C6orf58: variants seen among roughly 807,000 people sequenced by gnomAD.
C6orf58 encodes chromosome 6 open reading frame 58.
In C6orf58, 30 loss-of-function variants were observed where a neutral mutation model predicts 37.0. That is an observed-to-expected ratio of 0.81 (90% CI 0.61 to 1.10). The LOEUF is 1.10. Among genes scored for constraint, C6orf58 ranks in the 50% least tolerant of loss-of-function variants. C6orf58 has a pLI of 0.00. For missense variants in C6orf58, 368 were observed against 387.5 expected (o/e 0.95, Z 0.42); for synonymous variants, 143 against 134.1 (o/e 1.07, Z -0.46).
chr6:127,583,559 G>A (rs564822293), intron 4 of C6orf58, among the ~76,000 whole-genome samples: 1 of 152,262 alleles, frequency 6.6e-6, no homozygotes, highest in South Asian at 2.1e-4. Context: ...TCCGATGGGT[G>A]TACAGTCCCA....
Position 127,582,237 on chromosome 6 carries a change from A to G in C6orf58, c.674+955A>G, listed in dbSNP as rs142279237. 1.9e-4 allele frequency among the ~76,000 whole-genome samples: 29 copies of G among 152,290 alleles called. No homozygotes were observed. The East Asian group carries it at 5.4e-3, about 28-fold the overall frequency. On this transcript the variant is annotated intron_variant, in intron 4 of 5. Coordinates refer to ENST00000329722, the MANE Select transcript of C6orf58 (RefSeq NM_001010905.3). ...CATTTGACATAGAATGAATAGCTGC[A>G]TAAGAGGATTTAAGACTCTGGGGAG...
intron 1 of C6orf58, among the ~76,000 whole-genome samples, chr6:127,578,413 G>A (rs1485218176): frequency 6.6e-6 from 1 of 151,816 alleles, no homozygotes; most frequent in Admixed American, 6.6e-5. Context: ...TCGATTAGAA[G>A]GTAGAGGAGG....
At chr6:127,583,440 G>C (rs1016306466) in intron 4 of C6orf58, among the ~76,000 whole-genome samples, 1 of 148,292 alleles carries the variant, frequency 6.7e-6, no homozygotes, top group Non-Finnish European at 1.5e-5. Flanking sequence ...ACTTCATGTT[G>C]ACAGAGGAGA....
At chr6:127,591,392 C>A in intron 5 of C6orf58, 151 bp from the exon 6 acceptor site, 2 of 632,970 alleles carry the variant, frequency 3.2e-6, no homozygotes, top group Non-Finnish European at 4.7e-6. Flanking sequence ...CTATGAATGA[C>A]ATGCCATGCT....
intron 4 of C6orf58, among the ~76,000 whole-genome samples, chr6:127,588,823 T>TC (rs1320482122): frequency 7.9e-5 from 12 of 152,276 alleles, no homozygotes; most frequent in African/African-American, 2.9e-4. Context: ...TTACTAGACC[T>TC]CTGTGGCCCT....
intron 4 of C6orf58, among the ~76,000 whole-genome samples, chr6:127,586,792 T>G (rs1775111971): frequency 6.6e-6 from 1 of 152,210 alleles, no homozygotes. Context: ...ATTCAGTATA[T>G]CATTTACACT....
chr6:127,580,165 C>T, intron 2 of C6orf58, 100 bp from the exon 3 acceptor site: 1 of 813,918 alleles, frequency 1.2e-6, no homozygotes, highest in Admixed American at 2.8e-5. Flanking sequence ...TATAATGTTT[C>T]TGGGTCTGTG....
chr6:127,591,752 T>G lies in C6orf58; in HGVS notation c.*130T>G. On this transcript the variant is annotated 3_prime_UTR_variant, in exon 6 of 6. Transcript: ENST00000329722. ...GTTTATTCTTTCTGATATTTTTGAT[T>G]TATGCTTATTTGTTAAGATCTTGTA... is the stretch of plus-strand genomic sequence containing the variant. 1.2e-6 allele frequency: 1 copy of G among 813,548 alleles called. No individual in the cohort carries two copies. The highest frequency in any genetic ancestry group is 3.6e-5 in the East Asian group (1 of 28,008). 50.4% of individuals were successfully genotyped at this position (813,548 alleles called of 1,614,324 possible).
intron 4 of C6orf58, among the ~76,000 whole-genome samples, chr6:127,584,698 C>T (rs577625409): frequency 1.5e-4 from 23 of 151,116 alleles, no homozygotes; most frequent in Non-Finnish European, 1.8e-4. Context: ...TGCTTGAACC[C>T]GGGAGGCAGA....
chr6:127,591,035 C>T (rs1007290501), intron 5 of C6orf58, among the ~76,000 whole-genome samples: 5 of 152,082 alleles, frequency 3.3e-5, no homozygotes, highest in African/African-American at 9.7e-5. Flanking sequence ...GTTAGAGTAA[C>T]AAAAACATCC....
At position 127,590,333 on chromosome 6, in the gene C6orf58, C is replaced by A; in HGVS notation, c.913+8C>A. 1 of 1,506,526 alleles carries A rather than the reference C, an allele frequency of 6.6e-7. No homozygotes were observed. Among genetic ancestry groups the A allele is most frequent in the Non-Finnish European group, 9.1e-7 (1 of 1,093,516 alleles). 93.3% of individuals were successfully genotyped at this position (1,506,526 alleles called of 1,614,324 possible). ...ATGTGGATAAATCTATAGGTAAGAA[C>A]CTTAAAAGGATACTTTTAAAAATCA... is the stretch of plus-strand genomic sequence containing the variant. On this transcript the variant is annotated splice_region_variant and intron_variant, in intron 5 of 5. Coordinates refer to ENST00000329722, the MANE Select transcript of C6orf58 (RefSeq NM_001010905.3).
In C6orf58 at chr6:127,581,213, A is replaced by G. The variant is rs776186904; in HGVS notation, c.605A>G (p.Asp202Gly). 3 of 1,521,028 alleles carry G rather than the reference A, an allele frequency of 2.0e-6. No individual in the cohort carries two copies. The highest frequency in any genetic ancestry group is 2.7e-6 in the Non-Finnish European group (3 of 1,129,558). The allele number at this position is 1,521,028 out of a possible 1,614,324, so 94.2% of individuals were successfully genotyped here. ...CAGTCACCTTTTAGTAAGTTTGATGATCTGTTGAAGTACTTATGGGCTGCA... is the reference window on the plus strand; with the variant it reads ...CAGTCACCTTTTAGTAAGTTTGATGGTCTGTTGAAGTACTTATGGGCTGCA... ...YLQSPFSKFD[D>G]LLKYLWAAHT... is the part of the protein sequence containing the mutation. Residue 202 changes from aspartate (D) to glycine (G), a missense_variant, in exon 4 of 6, where the codon GAT becomes GGT. Physicochemically the swap from Asp to Gly is moderately conservative, Grantham distance 94 (BLOSUM62 -1). Coordinates refer to ENST00000329722, the MANE Select transcript of C6orf58 (RefSeq NM_001010905.3).
Position 127,588,668 on chromosome 6 carries a change from G to A in C6orf58, c.675-1419G>A, listed in dbSNP as rs557023885. On this transcript the variant is annotated intron_variant, in intron 4 of 5. Coordinates refer to ENST00000329722, the MANE Select transcript of C6orf58 (RefSeq NM_001010905.3). ...ATTCTATCTGATCATTAGGTGAACT[G>A]ACCAACAAATCATTCAACTGATGCA... is the stretch of plus-strand genomic sequence containing the variant. Among the ~76,000 whole-genome samples, 448 of 152,214 alleles carry A rather than the reference G, an allele frequency of 2.9e-3. 1 individual carries two copies. The highest frequency in any genetic ancestry group is 0.01 in the African/African-American group (419 of 41,540).
intron 5 of C6orf58, 139 bp downstream of exon 5, chr6:127,590,464 T>C: frequency 3.2e-6 from 2 of 630,128 alleles, no homozygotes; most frequent in Non-Finnish European, 5.5e-6. Flanking sequence ...ATTCTATTTC[T>C]TTAGCAATAA....
chr6:127,580,765 A>G lies in C6orf58; in HGVS notation c.573+316A>G, dbSNP rs547657843. Among the ~76,000 whole-genome samples the G allele has an allele frequency of 5.9e-5, 9 of 152,228 alleles. No individual in the cohort carries two copies. In the East Asian group the frequency reaches 1.7e-3, roughly 29 times the overall value. ...GTCTTCATGTCCACTAGGATATTGG[A>G]AGAAATTTGACTAAAATCAATGAAG... On this transcript the variant is annotated intron_variant, in intron 3 of 5. Transcript: ENST00000329722.
At chr6:127,583,706 A>G (rs1460412555) in intron 4 of C6orf58, among the ~76,000 whole-genome samples, 1 of 152,172 alleles carries the variant, frequency 6.6e-6, no homozygotes, top group East Asian at 1.9e-4. Context: ...GTCGTTTCCA[A>G]AAGAACTGAT....
intron 4 of C6orf58, among the ~76,000 whole-genome samples, chr6:127,583,140 A>G (rs550900357): frequency 3.5e-4 from 53 of 152,294 alleles, no homozygotes; most frequent in African/African-American, 1.2e-3. Context: ...CCATACTCTC[A>G]TTATAGGTTT....
chr6:127,583,567 C>T (rs577029487), intron 4 of C6orf58, among the ~76,000 whole-genome samples: 28 of 152,068 alleles, frequency 1.8e-4, no homozygotes, highest in African/African-American at 6.5e-4. Context: ...GTGTACAGTC[C>T]CAGGGGTCTG....
intron 4 of C6orf58, among the ~76,000 whole-genome samples, chr6:127,584,826 C>A (rs1418888415): frequency 1.3e-5 from 2 of 151,292 alleles, no homozygotes; most frequent in Non-Finnish European, 2.9e-5. Context: ...CAAATCAGGT[C>A]AATAGCTTGC....
Sources: allele counts gnomAD v4.1 joint callset (sites outside exome capture counted in the v4.1 genomes callset), GRCh38; gene constraint gnomAD v4.1.1; transcripts MANE v1.5; gene names NCBI Gene and HGNC (gene_info 2026-07-23, HGNC 2026-07-21).